Variants in TRMT11 observed in about 807,000 individuals in gnomAD.
The protein encoded by TRMT11 is tRNA methyltransferase 11.
In TRMT11, 53 loss-of-function variants were observed where a neutral mutation model predicts 62.8. That is an observed-to-expected ratio of 0.84 (90% CI 0.68 to 1.06). TRMT11 has a LOEUF of 1.06. Among genes scored for constraint, TRMT11 ranks in the 50% least tolerant of loss-of-function variants. TRMT11 has a pLI of 0.00. For synonymous variants in TRMT11, 188 were observed against 190.3 expected (o/e 0.99, Z 0.10); for missense variants, 556 against 553.4 (o/e 1.00, Z -0.05).
chr6:126,233,494 C>T, the TRMT11 span, among the ~76,000 whole-genome samples: 6 of 152,168 alleles, frequency 3.9e-5, no homozygotes, highest in Non-Finnish European at 5.9e-5. Context: ...CCTATTACTT[C>T]TACTTTCATC....
chr6:126,225,205 C>T, the TRMT11 span, among the ~76,000 whole-genome samples: 2 of 152,192 alleles, frequency 1.3e-5, no homozygotes, highest in Non-Finnish European at 2.9e-5. Flanking sequence ...CTGGGCTGGA[C>T]ACAAGCTGTA....
At chr6:126,120,831 T>G (rs1364520211) in intron 21 of TRMT11, among the ~76,000 whole-genome samples, 3 of 152,258 alleles carry the variant, frequency 2.0e-5, no homozygotes, top group East Asian at 3.9e-4. Context: ...CCCAAAGTTA[T>G]ATTAAATAGT....
intron 21 of TRMT11, among the ~76,000 whole-genome samples, chr6:126,152,155 C>T (rs1465982336): frequency 6.6e-6 from 1 of 150,438 alleles, no homozygotes; most frequent in African/African-American, 2.4e-5. Context: ...GGTATGTGTC[C>T]TCACACAGAA....
At chr6:126,259,064 G>A in the TRMT11 span, among the ~76,000 whole-genome samples, 3 of 152,188 alleles carry the variant, frequency 2.0e-5, no homozygotes, top group Non-Finnish European at 1.5e-5. Flanking sequence ...TTATAAGTGA[G>A]AACATGCAGT....
At chr6:126,093,340 A>T (rs1777296522) in intron 17 of TRMT11, among the ~76,000 whole-genome samples, 1 of 151,716 alleles carries the variant, frequency 6.6e-6, no homozygotes, top group Non-Finnish European at 1.5e-5. Context: ...GTGGCACTAC[A>T]AGATTTCTTT....
intron 11 of TRMT11, among the ~76,000 whole-genome samples, chr6:126,019,253 C>A (rs879897585): frequency 6.6e-6 from 1 of 152,068 alleles, no homozygotes; most frequent in Non-Finnish European, 1.5e-5. Flanking sequence ...AATTAATTGG[C>A]TCATTAATAT....
intron 1 of TRMT11, among the ~76,000 whole-genome samples, chr6:126,183,261 A>C (rs972066776): frequency 6.6e-6 from 1 of 152,194 alleles, no homozygotes; most frequent in Non-Finnish European, 1.5e-5. Flanking sequence ...TCAGGTCATG[A>C]TAAGGCCAAC....
chr6:126,021,236 A>G lies in TRMT11; in HGVS notation c.1216A>G (p.Thr406Ala), dbSNP rs112235105. The G allele has an allele frequency of 1.3e-5, 21 of 1,614,208 alleles. No individual in the cohort carries two copies. The African/African-American group carries it at 2.0e-4, about 15-fold the overall frequency. ...SNCEQKLSSH[T>A]SRRLITMEKV... is the part of the protein sequence containing the mutation. ...CTGCGAGCAGAAGCTTTCCAGTCAC[A>G]CATCAAGGCGCTTGATCACAATGGA... is the stretch of plus-strand genomic sequence containing the variant. The change falls in exon 12 of 13, where the codon ACA becomes GCA. Residue 406 changes from threonine to alanine, a missense_variant. Thr to Ala is a moderately conservative substitution (Grantham distance 58). Coordinates refer to ENST00000334379, the MANE Select transcript of TRMT11 (RefSeq NM_001031712.3).
chr6:126,133,048 T>C (rs1408646266), intron 21 of TRMT11, among the ~76,000 whole-genome samples: 1 of 151,922 alleles, frequency 6.6e-6, no homozygotes, highest in Non-Finnish European at 1.5e-5. Flanking sequence ...ACAAAACCCA[T>C]TTTATAAGTC....
At chr6:126,060,540 C>T (rs1383657034) in intron 17 of TRMT11, among the ~76,000 whole-genome samples, 2 of 152,152 alleles carry the variant, frequency 1.3e-5, no homozygotes, top group African/African-American at 4.8e-5. Context: ...AGTCCATTCA[C>T]GAATGGCTCC....
At chr6:126,147,293 A>G (rs1283918114) in intron 21 of TRMT11, among the ~76,000 whole-genome samples, 1 of 151,802 alleles carries the variant, frequency 6.6e-6, no homozygotes, top group Non-Finnish European at 1.5e-5. Context: ...ATCTCATTTC[A>G]TTTTTTAGCT....
Position 126,013,031 on chromosome 6 carries a change from T to C in TRMT11, c.1069T>C (p.Leu357=). 6.2e-7 allele frequency: 1 copy of C among 1,613,986 alleles called. No homozygotes were observed. The highest frequency in any genetic ancestry group is 8.5e-7 in the Non-Finnish European group (1 of 1,179,946). ...YHLSDMFLDL[L]NFAAETLVLG... ...TCTGAGTGATATGTTTCTTGACCTGTTAAACTTCGCAGCTGAGACCCTCGT... is the reference window on the plus strand; with the variant it reads ...TCTGAGTGATATGTTTCTTGACCTGCTAAACTTCGCAGCTGAGACCCTCGT... Residue 357 remains leucine (L), a synonymous_variant, in exon 11 of 13, where the codon TTA becomes CTA. Coordinates refer to ENST00000334379, the MANE Select transcript of TRMT11 (RefSeq NM_001031712.3).
intron 12 of TRMT11, among the ~76,000 whole-genome samples, chr6:126,024,657 C>A (rs1361016275): frequency 1.3e-5 from 2 of 152,174 alleles, no homozygotes; most frequent in Non-Finnish European, 2.9e-5. Context: ...AGGGTTAGGG[C>A]CTTAACATAT....
At chr6:126,054,403 A>T (rs943748708) in intron 17 of TRMT11, among the ~76,000 whole-genome samples, 10 of 152,198 alleles carry the variant, frequency 6.6e-5, no homozygotes, top group African/African-American at 1.9e-4. Flanking sequence ...GCCCAGTTAC[A>T]CTGTGGTAAG....
In TRMT11 at chr6:126,103,543, T is replaced by A. The variant is rs192856259; in HGVS notation, c.*1438-9323T>A. Among the ~76,000 whole-genome samples, 828 of 152,330 alleles carry A rather than the reference T, an allele frequency of 5.4e-3. 8 individuals carry two copies. Among genetic ancestry groups the A allele is most frequent in the Middle Eastern group, 0.041 (12 of 294 alleles). The stretch of plus-strand genomic sequence containing the variant: ...CGTGTTAGTTGAGGCTCAGTTCTCA[T>A]CTGGAGGCTCAAGTGGAGATGGTTC... On this transcript the variant is annotated intron_variant and NMD_transcript_variant, in intron 17 of 22. Coordinates refer to the TRMT11 transcript ENST00000648977.
intron 16 of TRMT11, among the ~76,000 whole-genome samples, chr6:126,047,891 T>G (rs1776105557): frequency 6.6e-6 from 1 of 152,230 alleles, no homozygotes; most frequent in Non-Finnish European, 1.5e-5. Flanking sequence ...GTTCCCTTTT[T>G]GGAGTAGATC....
At position 126,074,633 on chromosome 6, in the gene TRMT11, C is replaced by T. The variant is rs1481808771; in HGVS notation, c.*1437+21443C>T. 3.9e-5 allele frequency among the ~76,000 whole-genome samples: 6 copies of T among 152,186 alleles called. No homozygotes were observed. The East Asian group carries it at 5.8e-4, about 15-fold the overall frequency. On this transcript the variant is annotated intron_variant and NMD_transcript_variant, in intron 17 of 22. Coordinates refer to the TRMT11 transcript ENST00000648977. ...TTCTTAGTGTAAAATATCTTTGTCA[C>T]GCTTTTTTTCTTAAGAATTTTTTTA... is the stretch of plus-strand genomic sequence containing the variant.
chr6:126,112,872 G>T (rs943642608), exon 18 of TRMT11, among the ~76,000 whole-genome samples: 2 of 151,810 alleles, frequency 1.3e-5, no homozygotes, highest in Non-Finnish European at 2.9e-5. Flanking sequence ...ATAGGGAAAA[G>T]AAACCAAGTC....
intron 17 of TRMT11, among the ~76,000 whole-genome samples, chr6:126,054,516 A>G (rs1358261401): frequency 6.6e-6 from 1 of 152,162 alleles, no homozygotes; most frequent in Non-Finnish European, 1.5e-5. Flanking sequence ...GCACCGAGGG[A>G]GATGATTTTT....
Sources: allele counts gnomAD v4.1 joint callset (sites outside exome capture counted in the v4.1 genomes callset), GRCh38; gene constraint gnomAD v4.1.1; transcripts MANE v1.5; gene names NCBI Gene and HGNC (gene_info 2026-07-23, HGNC 2026-07-21).